WWTR1: variants seen among roughly 807,000 people sequenced by gnomAD.
WWTR1 encodes WW domain containing transcription regulator 1.
A neutral mutation model predicts 40.1 loss-of-function variants in WWTR1; 13 were observed. That is an observed-to-expected ratio of 0.32 (90% confidence interval 0.21 to 0.52). The LOEUF (loss-of-function observed/expected upper bound fraction) is 0.52. Ranked by LOEUF, WWTR1 falls within the 20% of genes least tolerant of loss-of-function variation. The pLI, the probability that WWTR1 is intolerant of heterozygous loss-of-function variation, is 0.97. For missense variants in WWTR1, 436 were observed against 523.1 expected, an observed-to-expected ratio of 0.83 and a Z score of 1.63; for synonymous variants, 230 against 210.1, an observed-to-expected ratio of 1.09 and a Z score of -0.82.
intron 2 of WWTR1, among the ~76,000 whole-genome samples, chr3:149,575,684 GT>G (rs1277950408): frequency 6.6e-6 from 1 of 152,088 alleles, no homozygotes; most frequent in Non-Finnish European, 1.5e-5. Context: ...CTAAATGCTC[GT>G]CCCCCACTCT....
At chr3:149,651,082 C>A (rs1712837981) in intron 2 of WWTR1, among the ~76,000 whole-genome samples, 6 of 152,174 alleles carry the variant, frequency 3.9e-5, no homozygotes, top group Admixed American at 3.9e-4. Context: ...CACAATGCAA[C>A]AGGTATCACT....
intron 2 of WWTR1, among the ~76,000 whole-genome samples, chr3:149,587,662 G>A (rs940461178): frequency 6.6e-6 from 1 of 152,152 alleles, no homozygotes; most frequent in Non-Finnish European, 1.5e-5. Flanking sequence ...AGTTTTCTTA[G>A]GAGTAGAGGA....
Position 149,603,994 on chromosome 3 carries a change from A to C in WWTR1, c.432-30994T>G, listed in dbSNP as rs549329162. Among the ~76,000 whole-genome samples the C allele has an allele frequency of 4.1e-3, 626 of 152,320 alleles. 2 individuals carry two copies. The highest frequency in any genetic ancestry group is 0.011 in the South Asian group (51 of 4,830). On this transcript the variant is annotated intron_variant, in intron 2 of 6. Transcript: ENST00000360632. The stretch of plus-strand genomic sequence containing the variant: ...TTCATGATACATACAGATAATTAGA[A>C]AGACTGAGTTCATTAAATATATTCA...
chr3:149,647,374 G>C (rs1712590136), intron 2 of WWTR1, among the ~76,000 whole-genome samples: 1 of 152,188 alleles, frequency 6.6e-6, no homozygotes, highest in African/African-American at 2.4e-5. Context: ...CTGAGAGGGA[G>C]GCCACTGGCT....
rs925872314 is a variant in WWTR1 at position 149,518,831 on chromosome 3, C to G, written c.*1974G>C. ...GTTGCTTTGTCCTTTTGGGGCATCTCTTGCATCTCCTGCTTGTTTTGCTTT... is the reference window on the plus strand; with the variant it reads ...GTTGCTTTGTCCTTTTGGGGCATCTGTTGCATCTCCTGCTTGTTTTGCTTT... On this transcript the variant is annotated 3_prime_UTR_variant, in exon 7 of 7. Coordinates refer to ENST00000360632, the MANE Select transcript of WWTR1 (RefSeq NM_015472.6). 2.6e-5 allele frequency: 4 copies of G among 151,578 alleles called. No individual in the cohort carries two copies. In the Admixed American group the frequency reaches 2.6e-4, roughly 10 times the overall value. The allele number at this position is 151,578 out of a possible 1,614,324, so 9.4% of individuals were successfully genotyped here. A position where few individuals can be genotyped will look rare whatever the true frequency, so the allele number is the denominator to read the frequency against.
rs1379432419 is a variant in WWTR1 at position 149,520,787 on chromosome 3, A to G, written c.*18T>C. ...GAAATGTAAGGTCATGGCTACATCC[A>G]AGTTACAATGGTAGTGATTACAGCC... On this transcript the variant is annotated 3_prime_UTR_variant, in exon 7 of 7. Transcript: ENST00000360632. 6.5e-7 allele frequency: 1 copy of G among 1,546,282 alleles called. No individual in the cohort carries two copies.
chr3:149,633,241 C>T (rs547316843), intron 2 of WWTR1, among the ~76,000 whole-genome samples: 2 of 152,090 alleles, frequency 1.3e-5, no homozygotes, highest in South Asian at 4.2e-4. Context: ...TAAAATAAGC[C>T]AGCCAGGCAT....
At chr3:149,615,753 C>A (rs1739942461) in intron 2 of WWTR1, among the ~76,000 whole-genome samples, 1 of 152,148 alleles carries the variant, frequency 6.6e-6, no homozygotes, top group Non-Finnish European at 1.5e-5. Context: ...AAAGAAACAA[C>A]CCACTTGGCC....
intron 3 of WWTR1, among the ~76,000 whole-genome samples, chr3:149,545,847 C>T (rs1260502756): frequency 6.6e-6 from 1 of 152,154 alleles, no homozygotes; most frequent in African/African-American, 2.4e-5. Flanking sequence ...AACTTAGATA[C>T]TTTGGAAAAT....
Position 149,520,670 on chromosome 3 carries a change from C to A in WWTR1, c.*135G>T. The A allele has an allele frequency of 1.4e-6, 1 of 720,908 alleles. No homozygotes were observed. The highest frequency in any genetic ancestry group is 3.1e-5 in the East Asian group (1 of 32,758). The allele number at this position is 720,908 out of a possible 1,614,324, so 44.7% of individuals were successfully genotyped here. On this transcript the variant is annotated 3_prime_UTR_variant, in exon 7 of 7. Transcript: ENST00000360632. The stretch of plus-strand genomic sequence containing the variant: ...CAAAACCAGGCAATGATTAAACTGG[C>A]AACATAAAAAGGAGGGAGCACGAGT...
chr3:149,639,110 C>G (rs1488389365), intron 2 of WWTR1, among the ~76,000 whole-genome samples: 1 of 152,180 alleles, frequency 6.6e-6, no homozygotes, highest in East Asian at 1.9e-4. Flanking sequence ...CCAAAAAGAT[C>G]TAGCAATGGT....
intron 2 of WWTR1, among the ~76,000 whole-genome samples, chr3:149,668,308 A>G (rs1713918957): frequency 6.6e-6 from 1 of 152,176 alleles, no homozygotes; most frequent in African/African-American, 2.4e-5. Context: ...CCCTAAGGAT[A>G]GATTTTTGGG....
chr3:149,569,079 T>TA (rs1466500242), intron 3 of WWTR1, among the ~76,000 whole-genome samples: 3 of 152,120 alleles, frequency 2.0e-5, no homozygotes, highest in African/African-American at 7.2e-5. Context: ...AAAGCTCTTA[T>TA]AAAAAATAAG....
chr3:149,626,733 G>C (rs1240426745), intron 2 of WWTR1, among the ~76,000 whole-genome samples: 1 of 152,104 alleles, frequency 6.6e-6, no homozygotes, highest in Non-Finnish European at 1.5e-5. Context: ...CATATTGAAT[G>C]TGTAGGCACA....
intron 2 of WWTR1, among the ~76,000 whole-genome samples, chr3:149,610,720 C>T (rs1480377191): frequency 6.6e-6 from 1 of 152,160 alleles, no homozygotes; most frequent in Non-Finnish European, 1.5e-5. Context: ...GCAGGGTTGC[C>T]AACTTCTGAA....
At position 149,547,250 on chromosome 3, in the gene WWTR1, C is replaced by T. The variant is rs113581754; in HGVS notation, c.569-4713G>A. Among the ~76,000 whole-genome samples, 721 of 143,540 alleles carry T rather than the reference C, an allele frequency of 5.0e-3. 2 individuals carry two copies. The highest frequency in any genetic ancestry group is 0.018 in the African/African-American group (680 of 38,780). The allele number at this position is 143,540 out of a possible 152,430, so 94.2% of individuals were successfully genotyped here. ...TAAAAAAAAAAAAAAAAGAGCTAGG[C>T]GAGGTGGCTTACGTCTGTAATCCCA... is the stretch of plus-strand genomic sequence containing the variant. On this transcript the variant is annotated intron_variant, in intron 3 of 6. Coordinates refer to ENST00000360632, the MANE Select transcript of WWTR1 (RefSeq NM_015472.6).
chr3:149,685,238 G>A lies in WWTR1; in HGVS notation c.-107-15347C>T, dbSNP rs78416316. Among the ~76,000 whole-genome samples the A allele has an allele frequency of 4.1e-3, 631 of 152,280 alleles. 4 individuals are homozygous for A. Among genetic ancestry groups the A allele is most frequent in the African/African-American group, 0.015 (606 of 41,562 alleles). On this transcript the variant is annotated intron_variant, in intron 1 of 7. Coordinates refer to the WWTR1 transcript ENST00000465804. ...ATGGACTATTTAGAGTCTCTCTCCC[G>A]AGAGTTTGGAACTGAAACATAGAAG... is the stretch of plus-strand genomic sequence containing the variant.
intron 6 of WWTR1, among the ~76,000 whole-genome samples, chr3:149,524,331 T>TTC: frequency 2.7e-5 from 1 of 36,824 alleles, no homozygotes; most frequent in East Asian, 3.2e-4. Context: ...TTTATGGTTT[T>TTC]TTTTTTTTTT....
At chr3:149,525,477 C>A (rs1453842780) in intron 6 of WWTR1, among the ~76,000 whole-genome samples, 1 of 151,642 alleles carries the variant, frequency 6.6e-6, no homozygotes, top group Non-Finnish European at 1.5e-5. Flanking sequence ...AATTTAAAAT[C>A]CTGCGCCCAG....
Sources: allele counts gnomAD v4.1 joint callset (sites outside exome capture counted in the v4.1 genomes callset), GRCh38; gene constraint gnomAD v4.1.1; transcripts MANE v1.5; gene names NCBI Gene and HGNC (gene_info 2026-07-23, HGNC 2026-07-21).